Variants in PREX1 observed in about 807,000 individuals in gnomAD.
PREX1 encodes the protein phosphatidylinositol 3,4,5-trisphosphate-dependent Rac exchanger 1 protein.
PREX1 carries 41 observed loss-of-function variants against 198.3 expected under a neutral mutation model. The ratio of observed to expected loss-of-function variants is 0.21; its 90% CI spans 0.16 to 0.27. The LOEUF (loss-of-function observed/expected upper bound fraction) is 0.27, where lower values mean the gene tolerates loss of function less well. Ranked by LOEUF, PREX1 falls within the 10% of genes least tolerant of loss-of-function variation. PREX1 has a pLI of 1.00. For missense variants in PREX1, 1,620 were observed against 2,200.7 expected (o/e 0.74, Z 5.28); for synonymous variants, 843 against 887.2 (o/e 0.95, Z 0.89).
At chr20:48,644,367 G>A (rs747726860) in intron 27 of PREX1, 42 bp downstream of exon 27, 6 of 1,488,988 alleles carry the variant, frequency 4.0e-6, no homozygotes, top group South Asian at 3.5e-5. Context: ...TCATGGGGAG[G>A]AGCCTCTCTC....
the PREX1 span, among the ~76,000 whole-genome samples, chr20:48,853,103 T>C: frequency 6.6e-6 from 1 of 152,136 alleles, no homozygotes; most frequent in Non-Finnish European, 1.5e-5. Context: ...CTGTACCCAT[T>C]TGAATTTTGA....
chr20:48,872,597 T>A, the PREX1 span, among the ~76,000 whole-genome samples: 1 of 151,860 alleles, frequency 6.6e-6, no homozygotes, highest in East Asian at 1.9e-4. Context: ...ATATAAAAAA[T>A]TAGCCGGGTA....
the PREX1 span, among the ~76,000 whole-genome samples, chr20:48,836,657 G>A: frequency 2.0e-5 from 3 of 152,150 alleles, no homozygotes; most frequent in African/African-American, 7.2e-5. Context: ...GCTCACGCCT[G>A]TAATCCTAGC....
At chr20:48,870,603 A>ACC in the PREX1 span, among the ~76,000 whole-genome samples, 1 of 152,208 alleles carries the variant, frequency 6.6e-6, no homozygotes, top group Non-Finnish European at 1.5e-5. Flanking sequence ...CACATCCACC[A>ACC]AGTGCCCTGC....
At chr20:48,668,655 T>C (rs1215438676) in intron 14 of PREX1, among the ~76,000 whole-genome samples, 1 of 152,130 alleles carries the variant, frequency 6.6e-6, no homozygotes, top group African/African-American at 2.4e-5. Context: ...GGGCAGAGCC[T>C]CTGGCCTTGG....
intron 16 of PREX1, among the ~76,000 whole-genome samples, chr20:48,658,442 A>C (rs2089562712): frequency 6.6e-6 from 1 of 152,190 alleles, no homozygotes; most frequent in African/African-American, 2.4e-5. Flanking sequence ...CACGGATCCA[A>C]AGGTGTCCAG....
rs1484011837 is a variant in PREX1 at position 48,651,111 on chromosome 20, C to T, written c.2656-56G>A. 73 of 1,589,890 alleles carry T rather than the reference C, an allele frequency of 4.6e-5. No homozygotes were observed. The Admixed American group carries it at 6.0e-4, about 13-fold the overall frequency. ...CCCTGTGTGCCGGGAAGATTTTAAG[C>T]GGTTCACCCACAGTGACTCCTGTAC... On this transcript the variant is annotated intron_variant, in intron 22 of 39. Transcript: ENST00000371941.
At chr20:48,782,486 A>G (rs927764550) in intron 1 of PREX1, among the ~76,000 whole-genome samples, 1 of 152,168 alleles carries the variant, frequency 6.6e-6, no homozygotes, top group Non-Finnish European at 1.5e-5. Context: ...AGTCTCGAGT[A>G]TGTCTTTATC....
intron 6 of PREX1, among the ~76,000 whole-genome samples, chr20:48,706,943 A>T (rs2089906355): frequency 6.6e-6 from 1 of 152,228 alleles, no homozygotes; most frequent in African/African-American, 2.4e-5. Flanking sequence ...AAGGAGAATC[A>T]GAACATCACC....
intron 30 of PREX1, among the ~76,000 whole-genome samples, chr20:48,638,951 A>G (rs1430023818): frequency 6.6e-6 from 1 of 152,224 alleles, no homozygotes; most frequent in Non-Finnish European, 1.5e-5. Context: ...GGAGAACAGG[A>G]CAGATCAGAA....
At chr20:48,821,435 A>G (rs535389832) in intron 1 of PREX1, among the ~76,000 whole-genome samples, 22 of 152,310 alleles carry the variant, frequency 1.4e-4, no homozygotes, top group African/African-American at 5.3e-4. Flanking sequence ...TCCGAAACGC[A>G]GGGCAGGAAT....
At position 48,653,311 on chromosome 20, in the gene PREX1, C is replaced by G. The variant is rs528510033; in HGVS notation, c.2346+50G>C. The stretch of plus-strand genomic sequence containing the variant: ...AGAGAGGACAGCCCTCAGCCACCCA[C>G]CCCCACTCAGCAGGACTTCTTTGAC... On this transcript the variant is annotated intron_variant, in intron 20 of 39. Transcript: ENST00000371941. The G allele has an allele frequency of 1.3e-5, 21 of 1,595,218 alleles. No individual in the cohort carries two copies. In the African/African-American group the frequency reaches 2.5e-4, roughly 19 times the overall value.
chr20:48,749,393 A>G (rs957833153), intron 1 of PREX1, among the ~76,000 whole-genome samples: 2 of 152,182 alleles, frequency 1.3e-5, no homozygotes, highest in Admixed American at 6.5e-5. Flanking sequence ...CACAGAGCCC[A>G]GGTGCAGGCT....
rs375753140 is a variant in PREX1, at chr20:48,794,737, G to A, written c.219+32905C>T. On this transcript the variant is annotated intron_variant, in intron 1 of 39. Coordinates refer to ENST00000371941, the MANE Select transcript of PREX1 (RefSeq NM_020820.4). ...GGACAGGGTCCCTAAGAGGGGCCCC[G>A]GCTGCCTACAGTCCTCGGGGACTGG... is the stretch of plus-strand genomic sequence containing the variant. 1.8e-3 allele frequency among the ~76,000 whole-genome samples: 277 copies of A among 152,340 alleles called. 4 individuals carry two copies. The highest frequency in any genetic ancestry group is 6.8e-3 in the Middle Eastern group (2 of 294).
At chr20:48,882,444 A>G in the PREX1 span, among the ~76,000 whole-genome samples, 55,449 of 143,598 alleles carry the variant, frequency 0.39, 10,627 homozygotes, top group Middle Eastern at 0.49. Context: ...GGAGCTTGCA[A>G]TGAGCCGAGA....
At chr20:48,737,923 G>A (rs763193487) in intron 3 of PREX1, among the ~76,000 whole-genome samples, 128 of 152,172 alleles carry the variant, frequency 8.4e-4, no homozygotes, top group Non-Finnish European at 4.3e-4. Context: ...CTACACTCCT[G>A]AACAATTTCA....
At chr20:48,821,453 G>A (rs115343800) in intron 1 of PREX1, among the ~76,000 whole-genome samples, 2,001 of 152,258 alleles carry the variant, frequency 0.013, 13 homozygotes, top group African/African-American at 0.027. Context: ...AATCAGCTCC[G>A]ACCTGGCCCC....
At chr20:48,757,836 TA>T (rs960664114) in intron 1 of PREX1, among the ~76,000 whole-genome samples, 3 of 152,212 alleles carry the variant, frequency 2.0e-5, no homozygotes, top group African/African-American at 7.2e-5. Flanking sequence ...TGGAGGCCTT[TA>T]AAAATACGTG....
rs539017394 is a variant in PREX1, at chr20:48,756,651, C to T, written c.220-8771G>A. On this transcript the variant is annotated intron_variant, in intron 1 of 39. Transcript: ENST00000371941. The stretch of plus-strand genomic sequence containing the variant: ...GCATACAAAGAACCTACAACTGAGG[C>T]CTCCTGGGAATATACCAAGGCACCA... Among the ~76,000 whole-genome samples, 7 of 152,266 alleles carry T rather than the reference C, an allele frequency of 4.6e-5. No homozygotes were observed. The South Asian group carries it at 1.4e-3, about 32-fold the overall frequency.
Sources: allele counts gnomAD v4.1 joint callset (sites outside exome capture counted in the v4.1 genomes callset), GRCh38; gene constraint gnomAD v4.1.1; transcripts MANE v1.5; gene names NCBI Gene and HGNC (gene_info 2026-07-23, HGNC 2026-07-21).